The following CHRM5 variants were observed in gnomAD, a reference collection of about 807,000 sequenced individuals.
CHRM5 encodes cholinergic receptor muscarinic 5, also known as muscarinic acetylcholine receptor M5.
In CHRM5, 18 loss-of-function variants were observed where a neutral mutation model predicts 39.0. That is an observed-to-expected ratio of 0.46 (90% CI 0.32 to 0.68). CHRM5 has a LOEUF of 0.68. CHRM5 is among the 30% of genes least tolerant of loss of function. The pLI, the probability that CHRM5 is intolerant of heterozygous loss-of-function variation, is 0.04. For synonymous variants in CHRM5, 241 were observed against 246.3 expected, an observed-to-expected ratio of 0.98 and a Z score of 0.20; for missense variants, 515 against 651.1, an observed-to-expected ratio of 0.79 and a Z score of 2.28.
chr15:33,989,641 A>T (rs903574498), intron 1 of CHRM5, among the ~76,000 whole-genome samples: 4 of 152,000 alleles, frequency 2.6e-5, no homozygotes, highest in African/African-American at 9.7e-5. Flanking sequence ...TTCATGTTTC[A>T]TGTGTTTTAT....
chr15:34,017,472 GA>G (rs1204609335), intron 1 of CHRM5, among the ~76,000 whole-genome samples: 2 of 105,636 alleles, frequency 1.9e-5, no homozygotes, highest in African/African-American at 6.8e-5. Context: ...ATTTCAGTAT[GA>G]TTTTTTTTTT....
intron 1 of CHRM5, among the ~76,000 whole-genome samples, chr15:34,019,639 A>G (rs1898115143): frequency 6.6e-6 from 1 of 152,186 alleles, no homozygotes; most frequent in Non-Finnish European, 1.5e-5. Flanking sequence ...CAGTAATTTT[A>G]CTGTACCTTT....
chr15:34,043,486 T>C (rs189193002), intron 1 of CHRM5, among the ~76,000 whole-genome samples: 1 of 152,244 alleles, frequency 6.6e-6, no homozygotes, highest in East Asian at 1.9e-4. Context: ...CAGAAAGATG[T>C]CTTTATTTAC....
intron 1 of CHRM5, among the ~76,000 whole-genome samples, chr15:34,019,829 C>A (rs1354466910): frequency 6.6e-6 from 1 of 152,180 alleles, no homozygotes; most frequent in East Asian, 1.9e-4. Flanking sequence ...TGCACAATGA[C>A]AAGTCACCTA....
At chr15:34,013,137 C>T (rs1897706941) in intron 1 of CHRM5, among the ~76,000 whole-genome samples, 2 of 152,126 alleles carry the variant, frequency 1.3e-5, no homozygotes, top group African/African-American at 4.8e-5. Context: ...TCTTGGCTCA[C>T]TGCAACCTCT....
At chr15:34,027,892 G>C (rs573234449) in intron 1 of CHRM5, among the ~76,000 whole-genome samples, 3 of 152,108 alleles carry the variant, frequency 2.0e-5, no homozygotes, top group Admixed American at 2.0e-4. Context: ...GTTCAAGAGG[G>C]CATTGTAGAA....
In CHRM5 at chr15:34,062,577, A is replaced by G. The variant is rs1438666434; in HGVS notation, c.-75-66A>G. 1.0e-5 allele frequency: 7 copies of G among 687,520 alleles called. No individual in the cohort carries two copies. The South Asian group carries it at 1.6e-4, about 16-fold the overall frequency. The allele number at this position is 687,520 out of a possible 1,614,324, so 42.6% of individuals were successfully genotyped here. ...CTCAAAAAAAAAAAAAAAAAAAACT[A>G]TAAACAATGGATGGACAAGAAAATC... On this transcript the variant is annotated intron_variant, in intron 2 of 2. Transcript: ENST00000383263.
At chr15:34,043,549 G>C (rs946525740) in intron 1 of CHRM5, among the ~76,000 whole-genome samples, 1 of 152,132 alleles carries the variant, frequency 6.6e-6, no homozygotes, top group African/African-American at 2.4e-5. Context: ...CCAGCTACAG[G>C]GGGAGAGACT....
At chr15:34,042,427 T>C (rs1332301061) in intron 1 of CHRM5, among the ~76,000 whole-genome samples, 4 of 141,362 alleles carry the variant, frequency 2.8e-5, no homozygotes, top group African/African-American at 1.1e-4. Context: ...TGAGACGGAG[T>C]TTCGCACTTG....
At chr15:34,015,434 A>C (rs950526781) in intron 1 of CHRM5, among the ~76,000 whole-genome samples, 3 of 152,104 alleles carry the variant, frequency 2.0e-5, no homozygotes, top group Admixed American at 2.0e-4. Context: ...GTGAGCCGAG[A>C]TCGCACCACT....
intron 1 of CHRM5, among the ~76,000 whole-genome samples, chr15:33,982,670 A>G (rs1019731583): frequency 6.6e-5 from 10 of 152,228 alleles, no homozygotes; most frequent in Non-Finnish European, 1.5e-4. Context: ...AATGGAAACA[A>G]GAATTTGTTT....
At chr15:34,017,497 T>TTTTTTTAG (rs1555516619) in intron 1 of CHRM5, among the ~76,000 whole-genome samples, 1 of 133,364 alleles carries the variant, frequency 7.5e-6, no homozygotes, top group Non-Finnish European at 1.7e-5. Flanking sequence ...TTTTTTTTTT[T>TTTTTTTAG]TTTGAGACAG....
At chr15:33,974,433 T>C (rs1054890779) in intron 1 of CHRM5, among the ~76,000 whole-genome samples, 1 of 152,210 alleles carries the variant, frequency 6.6e-6, no homozygotes, top group Non-Finnish European at 1.5e-5. Context: ...CAACATACAA[T>C]ATACCAACAA....
chr15:34,000,973 A>G (rs1897114818), intron 1 of CHRM5, among the ~76,000 whole-genome samples: 2 of 152,114 alleles, frequency 1.3e-5, no homozygotes, highest in South Asian at 4.1e-4. Flanking sequence ...TAAAATAAAT[A>G]ACCAAAATCA....
At chr15:34,021,963 C>T (rs942162222) in intron 1 of CHRM5, among the ~76,000 whole-genome samples, 2 of 152,188 alleles carry the variant, frequency 1.3e-5, no homozygotes, top group Non-Finnish European at 2.9e-5. Context: ...TTCTTAAAGT[C>T]CATAGAAAGC....
intron 1 of CHRM5, among the ~76,000 whole-genome samples, chr15:33,983,341 G>A (rs1400019099): frequency 6.6e-6 from 1 of 151,644 alleles, no homozygotes; most frequent in Non-Finnish European, 1.5e-5. Context: ...AATTATTGAT[G>A]TTTCACCTTG....
chr15:34,017,489 T>TTTTG (rs1897976455), intron 1 of CHRM5, among the ~76,000 whole-genome samples: 2 of 80,284 alleles, frequency 2.5e-5, no homozygotes, highest in South Asian at 8.6e-4. Context: ...TTTTTGTTTT[T>TTTTG]TTTTTTTTTT....
chr15:33,991,602 T>G (rs1441449087), intron 1 of CHRM5: 2 of 152,046 alleles, frequency 1.3e-5, no homozygotes, highest in Admixed American at 1.3e-4. Flanking sequence ...ATGTGACCTG[T>G]AGAAAGCACC....
At chr15:34,039,164 A>G (rs1247813142) in intron 1 of CHRM5, 2 of 883,024 alleles carry the variant, frequency 2.3e-6, no homozygotes, top group African/African-American at 3.6e-5. Context: ...GGTAGCAGCG[A>G]GGCGCGGGGT....
Sources: gnomAD v4.1 joint callset for allele counts (sites outside exome capture counted in the v4.1 genomes callset) on GRCh38, gnomAD v4.1.1 for gene constraint, MANE v1.5 for transcripts, NCBI Gene and HGNC (gene_info 2026-07-23, HGNC 2026-07-21) for gene names.